FHIT: variants seen among roughly 807,000 people sequenced by gnomAD.
The protein encoded by FHIT is bis(5'-adenosyl)-triphosphatase.
FHIT carries 19 observed loss-of-function variants against 17.9 expected under a neutral mutation model. The ratio of observed to expected loss-of-function variants is 1.06; its 90% CI spans 0.74 to 1.56. The LOEUF is 1.56. FHIT is among the 40% of genes most tolerant of loss of function. FHIT has a pLI of 0.00. For synonymous variants in FHIT, 81 were observed against 69.7 expected (o/e 1.16, Z -0.81); for missense variants, 248 against 189.2 (o/e 1.31, Z -1.82).
chr3:59,801,674 C>T (rs527508514), intron 8 of FHIT, among the ~76,000 whole-genome samples: 4 of 152,192 alleles, frequency 2.6e-5, no homozygotes, highest in African/African-American at 4.8e-5. Flanking sequence ...GCATTCGCTA[C>T]GCATAATCCC....
chr3:60,699,842 T>A (rs1553701621), intron 4 of FHIT, among the ~76,000 whole-genome samples: 1 of 151,242 alleles, frequency 6.6e-6, no homozygotes, highest in East Asian at 1.9e-4. Context: ...CATAACAAAT[T>A]AAACAAAAAT....
chr3:60,974,442 C>T (rs1477216267), intron 3 of FHIT, among the ~76,000 whole-genome samples: 2 of 152,146 alleles, frequency 1.3e-5, no homozygotes, highest in Non-Finnish European at 2.9e-5. Context: ...AAGAGAATTG[C>T]TGCTGGTTGG....
intron 5 of FHIT, among the ~76,000 whole-genome samples, chr3:60,023,605 C>A (rs1285850714): frequency 1.3e-5 from 2 of 152,058 alleles, no homozygotes; most frequent in African/African-American, 2.4e-5. Context: ...AGTTCAGATG[C>A]CATCTGAAGG....
chr3:61,116,180 T>C (rs1315962260), intron 2 of FHIT, among the ~76,000 whole-genome samples: 4 of 152,018 alleles, frequency 2.6e-5, no homozygotes, highest in African/African-American at 7.2e-5. Flanking sequence ...CCTCGGGTCT[T>C]GGTGGTGCCA....
At chr3:61,000,963 A>C (rs2031038732) in intron 3 of FHIT, among the ~76,000 whole-genome samples, 1 of 149,586 alleles carries the variant, frequency 6.7e-6, no homozygotes, top group Non-Finnish European at 1.5e-5. Context: ...AAAGCTCAAC[A>C]GAAAAAAAAA....
At chr3:60,438,615 A>G (rs1184902394) in intron 5 of FHIT, among the ~76,000 whole-genome samples, 1 of 152,178 alleles carries the variant, frequency 6.6e-6, no homozygotes, top group East Asian at 1.9e-4. Context: ...GAGGTCTCAC[A>G]ACAGCCTTCA....
chr3:60,292,807 T>C (rs1313950962), intron 5 of FHIT, among the ~76,000 whole-genome samples: 3 of 152,174 alleles, frequency 2.0e-5, no homozygotes, highest in African/African-American at 7.2e-5. Flanking sequence ...AGCCTAGTCA[T>C]AAAATGAAAT....
At chr3:61,014,807 A>AATTAT (rs1553798841) in intron 3 of FHIT, among the ~76,000 whole-genome samples, 1 of 49,102 alleles carries the variant, frequency 2.0e-5, no homozygotes, top group African/African-American at 5.4e-5. Flanking sequence ...AAAAAAAAAA[A>AATTAT]ATATATATAT....
intron 4 of FHIT, among the ~76,000 whole-genome samples, chr3:60,735,771 G>A (rs1439360847): frequency 1.3e-5 from 2 of 152,178 alleles, no homozygotes; most frequent in East Asian, 1.9e-4. Context: ...TTAAGCCACA[G>A]TTAGAGCTAG....
intron 5 of FHIT, among the ~76,000 whole-genome samples, chr3:60,056,704 T>C (rs1368575342): frequency 1.3e-5 from 2 of 152,236 alleles, no homozygotes; most frequent in Admixed American, 6.5e-5. Flanking sequence ...AAAGACTTTT[T>C]GCTGGCTTGG....
chr3:60,228,124 GC>G (rs906223034), intron 5 of FHIT, among the ~76,000 whole-genome samples: 2 of 152,040 alleles, frequency 1.3e-5, no homozygotes, highest in African/African-American at 4.8e-5. Context: ...AATAATACAA[GC>G]TTTTAATTTT....
chr3:60,860,539 TATATG>T lies in FHIT; in HGVS notation c.-110-38533_-110-38529del, dbSNP rs1703692849. Among the ~76,000 whole-genome samples, 3 of 28,568 alleles carry T rather than the reference TATATG, an allele frequency of 1.1e-4. 1 individual carries two copies. The East Asian group carries it at 3.0e-3, about 28-fold the overall frequency. 18.7% of individuals were successfully genotyped at this position (28,568 alleles called of 152,430 possible). A position where few individuals can be genotyped will look rare whatever the true frequency, so the allele number is the denominator to read the frequency against. On this transcript the variant is annotated intron_variant, in intron 3 of 9. Coordinates refer to ENST00000492590, the MANE Select transcript of FHIT (RefSeq NM_002012.4). ...ACATATGTATCATATATATCAGGTATATATGATACATATGTATCATATATCAGGTA... is the reference window on the plus strand; with the variant it reads ...ACATATGTATCATATATATCAGGTATATACATATGTATCATATATCAGGTA...
rs531473860 is a variant in FHIT, at chr3:60,198,647, C to T, written c.104-184495G>A. Among the ~76,000 whole-genome samples, 23 of 152,254 alleles carry T rather than the reference C, an allele frequency of 1.5e-4. No homozygotes were observed. In the East Asian group the frequency reaches 4.4e-3, roughly 29 times the overall value. On this transcript the variant is annotated intron_variant, in intron 5 of 9. Coordinates refer to ENST00000492590, the MANE Select transcript of FHIT (RefSeq NM_002012.4). The stretch of plus-strand genomic sequence containing the variant: ...TTCCCTTTGGTATGCTCAAGTCCCA[C>T]GTGCAAAATACCATCACCGTCAACT...
chr3:60,665,363 G>A (rs1337950472), intron 4 of FHIT, among the ~76,000 whole-genome samples: 2 of 151,968 alleles, frequency 1.3e-5, no homozygotes, highest in African/African-American at 4.8e-5. Context: ...ATTTGTTGTT[G>A]AGAGAGGACA....
chr3:60,939,777 C>T (rs1367777328), intron 3 of FHIT, among the ~76,000 whole-genome samples: 1 of 151,852 alleles, frequency 6.6e-6, no homozygotes, highest in Non-Finnish European at 1.5e-5. Context: ...ATCTATAATA[C>T]ACATAGATAT....
At chr3:60,578,694 A>G (rs528585445) in intron 4 of FHIT, among the ~76,000 whole-genome samples, 5 of 152,156 alleles carry the variant, frequency 3.3e-5, no homozygotes, top group Non-Finnish European at 5.9e-5. Context: ...CAAAATAGCC[A>G]TCTCTAAGGA....
chr3:60,303,385 C>T (rs530529693), intron 5 of FHIT, among the ~76,000 whole-genome samples: 116 of 152,264 alleles, frequency 7.6e-4, no homozygotes, highest in Non-Finnish European at 1.3e-3. Context: ...CTGCCTGTGA[C>T]ACAGTAAAGA....
chr3:60,090,534 CAT>C (rs1703686555), intron 5 of FHIT, among the ~76,000 whole-genome samples: 1 of 152,190 alleles, frequency 6.6e-6, no homozygotes, highest in Non-Finnish European at 1.5e-5. Context: ...AGTGCCACAA[CAT>C]ATAATATATC....
chr3:61,091,801 G>A (rs948684889), intron 2 of FHIT, among the ~76,000 whole-genome samples: 1 of 151,624 alleles, frequency 6.6e-6, no homozygotes, highest in Non-Finnish European at 1.5e-5. Flanking sequence ...TTAGCTGGGC[G>A]TAGTGGCACC....
Sources: allele counts gnomAD v4.1 joint callset (sites outside exome capture counted in the v4.1 genomes callset), GRCh38; gene constraint gnomAD v4.1.1; transcripts MANE v1.5; gene names NCBI Gene and HGNC (gene_info 2026-07-23, HGNC 2026-07-21).